Variants in CEP85L observed in about 807,000 individuals in gnomAD.
CEP85L encodes the protein centrosomal protein 85L.
In CEP85L, 60 loss-of-function variants were observed where a neutral mutation model predicts 100.3. That is an observed-to-expected ratio of 0.60 (90% confidence interval 0.49 to 0.74). CEP85L has a LOEUF of 0.74. Ranked by LOEUF, CEP85L falls within the 30% of genes least tolerant of loss-of-function variation. The probability of loss-of-function intolerance (pLI) is 0.00; values close to 1 mark genes in which losing one functional copy is unlikely to be tolerated. For missense variants in CEP85L, 973 were observed against 936.2 expected (o/e 1.04, Z -0.51); for synonymous variants, 319 against 322.7 (o/e 0.99, Z 0.12).
At position 118,566,120 on chromosome 6, in the gene CEP85L, AG is replaced by A; in HGVS notation, c.428del (p.Ser143PhefsTer3). ...GCCGGAAGTCCTTCATGTCTAGGGA[AG>A]AGTCCTGCTCCCCCCTACTGTGGTT... ...LGNHSRGEQDSSLDMKDFRPL... is the reference protein window; with the variant it reads ...LGNHSRGEQDXSLDMKDFRPL... On this transcript the variant is annotated frameshift_variant, in exon 3 of 13. Transcript: ENST00000368491. LOFTEE classifies it high-confidence loss of function. The A allele has an allele frequency of 6.2e-7, 1 of 1,614,178 alleles. No homozygotes were observed. Among genetic ancestry groups the A allele is most frequent in the Non-Finnish European group, 8.5e-7 (1 of 1,180,008 alleles).
intron 1 of CEP85L, among the ~76,000 whole-genome samples, chr6:118,635,938 A>C (rs10484285): frequency 1.3e-5 from 2 of 152,198 alleles, no homozygotes; most frequent in African/African-American, 4.8e-5. Context: ...ACCTTCAATC[A>C]TTAGTCTTGT....
intron 1 of CEP85L, among the ~76,000 whole-genome samples, chr6:118,686,632 G>A (rs1189095130): frequency 2.0e-5 from 3 of 152,104 alleles, no homozygotes; most frequent in African/African-American, 7.2e-5. Flanking sequence ...GGTCATTTGA[G>A]TTATTTCCAC....
chr6:118,661,912 C>T (rs968197624), intron 1 of CEP85L, among the ~76,000 whole-genome samples: 2 of 152,176 alleles, frequency 1.3e-5, no homozygotes, highest in African/African-American at 4.8e-5. Context: ...GTTGATGGAG[C>T]TGCAGCAAAT....
At position 118,463,502 on chromosome 6, in the gene CEP85L, A is replaced by G. The variant is rs1399321913; in HGVS notation, c.*1903T>C. 6.6e-6 allele frequency: 1 copy of G among 152,080 alleles called. No individual in the cohort carries two copies. The highest frequency in any genetic ancestry group is 1.5e-5 in the Non-Finnish European group (1 of 67,954). The allele number at this position is 152,080 out of a possible 1,614,324, so 9.4% of individuals were successfully genotyped here. A position where few individuals can be genotyped will look rare whatever the true frequency, so the allele number is the denominator to read the frequency against. ...ATTATCTGTTTTACCATAAAGGACC[A>G]AGGCAGAATTCTTCGCATCACATTT... On this transcript the variant is annotated 3_prime_UTR_variant, in exon 13 of 13. Coordinates refer to ENST00000368491, the MANE Select transcript of CEP85L (RefSeq NM_001042475.3).
chr6:118,565,359 T>C (rs1051507050), intron 3 of CEP85L, 170 bp downstream of exon 3: 4 of 649,272 alleles, frequency 6.2e-6, no homozygotes, highest in Non-Finnish European at 7.9e-6. Context: ...TCAAATGCTT[T>C]GCAAGTTTAT....
chr6:118,469,038 G>T, intron 12 of CEP85L, 34 bp downstream of exon 12: 1 of 1,456,174 alleles, frequency 6.9e-7, no homozygotes, highest in Non-Finnish European at 9.6e-7. Context: ...GTTTCTAATT[G>T]CCACAAAATA....
chr6:118,497,411 A>G (rs917810618), intron 5 of CEP85L, among the ~76,000 whole-genome samples: 5 of 152,188 alleles, frequency 3.3e-5, no homozygotes, highest in African/African-American at 4.8e-5. Context: ...CCCAGATGAG[A>G]CCGTCTAGTT....
At chr6:118,604,167 A>G (rs1214078152) in intron 2 of CEP85L, among the ~76,000 whole-genome samples, 1 of 152,236 alleles carries the variant, frequency 6.6e-6, no homozygotes, top group Non-Finnish European at 1.5e-5. Context: ...TTAATGTTAA[A>G]CCCAATTCTT....
chr6:118,592,618 G>C (rs1406186681), intron 2 of CEP85L, among the ~76,000 whole-genome samples: 1 of 152,010 alleles, frequency 6.6e-6, no homozygotes, highest in Non-Finnish European at 1.5e-5. Context: ...AAGCAGAACA[G>C]GCTAGAAAAT....
chr6:118,567,364 G>A (rs1419133663), intron 2 of CEP85L, among the ~76,000 whole-genome samples: 1 of 149,176 alleles, frequency 6.7e-6, no homozygotes, highest in African/African-American at 2.5e-5. Flanking sequence ...TCCCCAAGTT[G>A]TACATTTTTA....
At chr6:118,487,783 G>A (rs1222262494) in intron 6 of CEP85L, among the ~76,000 whole-genome samples, 1 of 152,184 alleles carries the variant, frequency 6.6e-6, no homozygotes. Flanking sequence ...CAGAGATGAT[G>A]GTTTAGGCTA....
chr6:118,628,773 C>G (rs1350298427), intron 2 of CEP85L, among the ~76,000 whole-genome samples: 1 of 152,082 alleles, frequency 6.6e-6, no homozygotes, highest in East Asian at 1.9e-4. Flanking sequence ...ATGTAAAACA[C>G]AAAACTATAA....
intron 1 of CEP85L, among the ~76,000 whole-genome samples, chr6:118,701,358 G>T (rs1457097762): frequency 6.6e-6 from 1 of 152,138 alleles, no homozygotes; most frequent in Non-Finnish European, 1.5e-5. Context: ...CAATAGCAAA[G>T]ACATGAAATC....
intron 4 of CEP85L, among the ~76,000 whole-genome samples, chr6:118,515,798 C>T (rs1241702725): frequency 6.6e-6 from 1 of 152,112 alleles, no homozygotes; most frequent in Non-Finnish European, 1.5e-5. Flanking sequence ...GGTACATGTG[C>T]AGAACGTGCA....
chr6:118,562,982 G>A (rs1779309722), intron 3 of CEP85L, among the ~76,000 whole-genome samples: 2 of 152,094 alleles, frequency 1.3e-5, no homozygotes, highest in African/African-American at 2.4e-5. Context: ...AGGGGGCCAT[G>A]GAAAGGGAAG....
intron 2 of CEP85L, among the ~76,000 whole-genome samples, chr6:118,611,262 TTTCTC>T (rs1772594296): frequency 6.6e-6 from 1 of 152,136 alleles, no homozygotes; most frequent in Non-Finnish European, 1.5e-5. Flanking sequence ...ACAGGTAAGA[TTTCTC>T]TACTCCACTC....
At chr6:118,685,486 C>A (rs1272647632) in intron 1 of CEP85L, among the ~76,000 whole-genome samples, 2 of 152,070 alleles carry the variant, frequency 1.3e-5, no homozygotes, top group Non-Finnish European at 2.9e-5. Flanking sequence ...TTCTAGCTCA[C>A]AATGAAAAAT....
chr6:118,640,776 T>TG (rs1189472799), intron 1 of CEP85L, among the ~76,000 whole-genome samples: 10 of 152,268 alleles, frequency 6.6e-5, no homozygotes, highest in African/African-American at 2.4e-4. Flanking sequence ...GTGATCCGCC[T>TG]GCTCAGCCTC....
At chr6:118,482,389 A>G (rs542058855) in intron 7 of CEP85L, among the ~76,000 whole-genome samples, 28 of 152,218 alleles carry the variant, frequency 1.8e-4, no homozygotes, top group Non-Finnish European at 4.1e-4. Context: ...CTGGTAACCA[A>G]CTTTCTACTT....
Sources: allele counts gnomAD v4.1 joint callset (sites outside exome capture counted in the v4.1 genomes callset), GRCh38; gene constraint gnomAD v4.1.1; transcripts MANE v1.5; gene names NCBI Gene and HGNC (gene_info 2026-07-23, HGNC 2026-07-21).